The following RANBP9 variants were observed in gnomAD, a reference collection of about 807,000 sequenced individuals.
RANBP9 encodes ran-binding protein 9.
Under a neutral mutation model 84.3 loss-of-function variants are expected in RANBP9, and 15 were observed. That is an observed-to-expected ratio of 0.18 (90% CI 0.12 to 0.27). The LOEUF is 0.27. Among genes scored for constraint, RANBP9 ranks in the 10% least tolerant of loss-of-function variants. RANBP9 has a pLI of 1.00. For missense variants in RANBP9, 809 were observed against 912.8 expected (o/e 0.89, Z 1.46); for synonymous variants, 392 against 349.6 (o/e 1.12, Z -1.35).
chr6:13,693,584 T>G (rs1021549198), intron 2 of RANBP9, among the ~76,000 whole-genome samples: 1 of 151,992 alleles, frequency 6.6e-6, no homozygotes, highest in Non-Finnish European at 1.5e-5. Context: ...CCGACTCTAC[T>G]AAAAATACAA....
intron 5 of RANBP9, among the ~76,000 whole-genome samples, chr6:13,652,270 T>C (rs1470263335): frequency 2.0e-5 from 3 of 152,218 alleles, no homozygotes; most frequent in African/African-American, 7.2e-5. Flanking sequence ...TTACTACCTG[T>C]TGAATAATAT....
In RANBP9 at chr6:13,639,650, G is replaced by T. The variant is rs1562300456; in HGVS notation, c.1438C>A (p.Pro480Thr). 6.2e-7 allele frequency: 1 copy of T among 1,612,776 alleles called. No homozygotes were observed. The highest frequency in any genetic ancestry group is 8.5e-7 in the Non-Finnish European group (1 of 1,178,932). ...SQDSYPVSPR[P>T]FSSPSMSPSH... ...GGGCTCATACTTGGACTACTAAAAG[G>T]TCGAGGACTAACAGGATAACTGTCT... Residue 480 changes from proline (P) to threonine (T), a missense_variant, in exon 9 of 14, where the codon CCT becomes ACT. Physicochemically the swap from Pro to Thr is conservative, Grantham distance 38 (BLOSUM62 -1). Coordinates refer to ENST00000011619, the MANE Select transcript of RANBP9 (RefSeq NM_005493.3).
rs1340207707 is a variant in RANBP9 at position 13,694,087 on chromosome 6, C to A, written c.683+2698G>T. 2.6e-5 allele frequency among the ~76,000 whole-genome samples: 4 copies of A among 152,174 alleles called. No individual in the cohort carries two copies. The East Asian group carries it at 7.7e-4, about 29-fold the overall frequency. On this transcript the variant is annotated intron_variant, in intron 2 of 13. Transcript: ENST00000011619. ...ACAAACAAAAAGAACAAAATGCAAA[C>A]TAGTATAGCCACTTTGTGAAACAAT...
intron 1 of RANBP9, among the ~76,000 whole-genome samples, chr6:13,706,615 C>A (rs1758130186): frequency 6.6e-6 from 1 of 151,412 alleles, no homozygotes; most frequent in Admixed American, 6.6e-5. Context: ...ATTGCTTGAA[C>A]CCGGGAGGCG....
rs1758261571 is a variant in RANBP9 at position 13,710,953 on chromosome 6, G to A, written c.553C>T (p.Leu185=). 2 of 1,609,204 alleles carry A rather than the reference G, an allele frequency of 1.2e-6. No individual in the cohort carries two copies. The highest frequency in any genetic ancestry group is 1.3e-5 in the African/African-American group (1 of 74,782). The change falls in exon 1 of 14, where the codon CTG becomes TTG. Residue 185 remains leucine (L), a synonymous_variant. Coordinates refer to ENST00000011619, the MANE Select transcript of RANBP9 (RefSeq NM_005493.3). ...CCAGTACCTTTGTAGTGCACCCGCA[G>A]GTTGTTCTGAGAGAGGCCGATGTAG... ...FSYIGLSQNN[L]RVHYKGHGKT... is the part of the protein sequence containing the mutation.
intron 10 of RANBP9, among the ~76,000 whole-genome samples, chr6:13,636,429 G>T (rs563788076): frequency 6.6e-6 from 1 of 152,296 alleles, no homozygotes; most frequent in African/African-American, 2.4e-5. Context: ...TGCAGACAAA[G>T]GAGGATGTTG....
intron 2 of RANBP9, among the ~76,000 whole-genome samples, chr6:13,691,018 T>C (rs1766311522): frequency 6.6e-6 from 1 of 151,892 alleles, no homozygotes. Flanking sequence ...AATACAAAAA[T>C]TAGCTGGGTG....
chr6:13,669,199 C>A lies in RANBP9; in HGVS notation c.684-10367G>T, dbSNP rs547637425. On this transcript the variant is annotated intron_variant, in intron 2 of 13. Transcript: ENST00000011619. The stretch of plus-strand genomic sequence containing the variant: ...AAGTGTGAAATCTGAACACTAAAAA[C>A]GACATTGTTGAAAAAATGAAAGAAC... 3.3e-5 allele frequency among the ~76,000 whole-genome samples: 5 copies of A among 151,930 alleles called. No homozygotes were observed. The East Asian group carries it at 9.7e-4, about 29-fold the overall frequency.
At chr6:13,639,158 TG>T (rs142823199) in intron 9 of RANBP9, among the ~76,000 whole-genome samples, 106 of 152,248 alleles carry the variant, frequency 7.0e-4, no homozygotes, top group African/African-American at 2.5e-3. Flanking sequence ...TATACACATT[TG>T]AAAACAGCTA....
intron 2 of RANBP9, among the ~76,000 whole-genome samples, chr6:13,671,435 A>G (rs1765776203): frequency 6.6e-6 from 1 of 152,248 alleles, no homozygotes. Flanking sequence ...ATACAATGGA[A>G]TATTAATTTG....
chr6:13,635,524 A>G (rs1020944067), intron 10 of RANBP9, among the ~76,000 whole-genome samples: 2 of 152,044 alleles, frequency 1.3e-5, no homozygotes, highest in African/African-American at 4.8e-5. Context: ...ATGAGCAAAA[A>G]CCACTATGCG....
At chr6:13,706,485 G>C (rs1288765963) in intron 1 of RANBP9, among the ~76,000 whole-genome samples, 2 of 149,706 alleles carry the variant, frequency 1.3e-5, no homozygotes, top group African/African-American at 4.9e-5. Flanking sequence ...ACGAGGTCAA[G>C]AGATCGAGAC....
intron 9 of RANBP9, among the ~76,000 whole-genome samples, chr6:13,638,549 G>A (rs1764991287): frequency 6.6e-6 from 1 of 151,946 alleles, no homozygotes; most frequent in South Asian, 2.1e-4. Context: ...ATAAATCTGT[G>A]GCTGGGCACG....
chr6:13,627,929 T>C (rs187162595), intron 12 of RANBP9, among the ~76,000 whole-genome samples: 446 of 152,190 alleles, frequency 2.9e-3, no homozygotes, highest in Non-Finnish European at 4.7e-3. Context: ...CGTTTACCTA[T>C]GTAACAAACC....
At position 13,639,706 on chromosome 6, in the gene RANBP9, C is replaced by T; in HGVS notation, c.1382G>A (p.Arg461Gln). Reference protein sequence around the residue: ...EMVNGTDSEVRCLGGRSPKSQ... With the variant: ...EMVNGTDSEVQCLGGRSPKSQ... ...CTTTGGACTTCGGCCTCCCAAACAT[C>T]GTACTTCACTATCTGTACCATTCAC... Residue 461 changes from arginine (R) to glutamine (Q), a missense_variant, in exon 9 of 14, where the codon CGA (arginine) becomes CAA (glutamine). Around this residue, in one of 5 missense-constraint regions of RANBP9, gnomAD observed 216 missense variants for 329.0 expected, o/e 0.66. Coordinates refer to ENST00000011619, the MANE Select transcript of RANBP9 (RefSeq NM_005493.3). 5 of 1,614,046 alleles carry T rather than the reference C, an allele frequency of 3.1e-6. No homozygotes were observed. Among genetic ancestry groups the T allele is most frequent in the Middle Eastern group, 1.7e-4 (1 of 6,060 alleles).
In RANBP9 at chr6:13,652,201, T is replaced by C. The variant is rs568990391; in HGVS notation, c.927+458A>G. On this transcript the variant is annotated intron_variant, in intron 5 of 13. Transcript: ENST00000011619. The stretch of plus-strand genomic sequence containing the variant: ...TATGTTCTACTTTACTTGTTTTTCA[T>C]GTACTGCTCATTCTCTTTCACAGCT... 2.6e-5 allele frequency among the ~76,000 whole-genome samples: 4 copies of C among 152,338 alleles called. No homozygotes were observed. The South Asian group carries it at 8.3e-4, about 32-fold the overall frequency.
intron 2 of RANBP9, among the ~76,000 whole-genome samples, chr6:13,683,647 T>C (rs1766096366): frequency 6.6e-6 from 1 of 152,192 alleles, no homozygotes; most frequent in Non-Finnish European, 1.5e-5. Flanking sequence ...CTGCCATTAA[T>C]CCAGGTGGTA....
intron 2 of RANBP9, among the ~76,000 whole-genome samples, chr6:13,674,993 A>C (rs1198719765): frequency 2.6e-5 from 4 of 152,174 alleles, no homozygotes; most frequent in Non-Finnish European, 5.9e-5. Flanking sequence ...TCTGAGCCTA[A>C]CAACAAAGTG....
At chr6:13,638,025 C>A in intron 9 of RANBP9, 70 bp from the exon 10 acceptor site, 3 of 1,391,406 alleles carry the variant, frequency 2.2e-6, no homozygotes, top group South Asian at 1.5e-5. Flanking sequence ...AAACAAGTCT[C>A]CATGTTGATT....
Sources: gnomAD v4.1 joint callset for allele counts (sites outside exome capture counted in the v4.1 genomes callset) on GRCh38, gnomAD v4.1.1 for gene constraint, gnomAD v4.1.1 regional missense constraint, MANE v1.5 for transcripts, NCBI Gene and HGNC (gene_info 2026-07-23, HGNC 2026-07-21) for gene names.